CBR4: variants seen among roughly 807,000 people sequenced by gnomAD.
CBR4 encodes carbonyl reductase 4.
In CBR4, 22 loss-of-function variants were observed where a neutral mutation model predicts 21.0. The observed-to-expected ratio is 1.05, with a 90% CI of 0.75 to 1.50. The LOEUF (loss-of-function observed/expected upper bound fraction) is 1.50, where lower values mean the gene tolerates loss of function less well. CBR4 is among the 40% of genes most tolerant of loss of function. The pLI is 0.00. For synonymous variants in CBR4, 100 were observed against 104.4 expected (o/e 0.96, Z 0.26); for missense variants, 302 against 286.3 (o/e 1.05, Z -0.40).
intron 2 of CBR4, among the ~76,000 whole-genome samples, chr4:168,930,997 G>A (rs1251158927): frequency 2.0e-5 from 3 of 152,088 alleles, no homozygotes; most frequent in South Asian, 2.1e-4. Context: ...CCAGCCCAGC[G>A]GCTCTGTCAT....
intron 4 of CBR4, 60 bp from the exon 5 acceptor site, chr4:168,990,388 C>A (rs1764856297): frequency 1.2e-5 from 15 of 1,299,908 alleles, no homozygotes; most frequent in South Asian, 6.8e-5. Flanking sequence ...TGCTGAATTT[C>A]AAAAAAAATA....
chr4:168,923,927 TCAC>T (rs35508972), intron 2 of CBR4, among the ~76,000 whole-genome samples: 2,625 of 78,686 alleles, frequency 0.033, 59 homozygotes, highest in African/African-American at 0.055. Flanking sequence ...GGTAACATAA[TCAC>T]TAGTAGTGAA....
chr4:168,907,949 CAT>C (rs1306479597), intron 2 of CBR4, among the ~76,000 whole-genome samples: 2 of 152,156 alleles, frequency 1.3e-5, no homozygotes, highest in Non-Finnish European at 2.9e-5. Flanking sequence ...ACACTCCCAG[CAT>C]CTTAAGGGGT....
At chr4:168,997,741 T>C (rs1765274717) in intron 4 of CBR4, among the ~76,000 whole-genome samples, 1 of 152,210 alleles carries the variant, frequency 6.6e-6, no homozygotes, top group African/African-American at 2.4e-5. Flanking sequence ...AGAGCCTTTA[T>C]ATTTAAAAAG....
intron 2 of CBR4, among the ~76,000 whole-genome samples, chr4:168,904,911 C>T (rs1482234913): frequency 1.3e-5 from 2 of 151,926 alleles, no homozygotes; most frequent in African/African-American, 4.8e-5. Flanking sequence ...TGGATTGCCT[C>T]AGCCCCGGAG....
At chr4:168,946,876 T>A (rs1352115233) in intron 2 of CBR4, among the ~76,000 whole-genome samples, 1 of 152,150 alleles carries the variant, frequency 6.6e-6, no homozygotes, top group Non-Finnish European at 1.5e-5. Context: ...TCTGTCCACA[T>A]ACACCATCCC....
At chr4:168,939,299 A>G (rs2126674682) in intron 2 of CBR4, among the ~76,000 whole-genome samples, 1 of 152,342 alleles carries the variant, frequency 6.6e-6, no homozygotes, top group East Asian at 1.9e-4. Flanking sequence ...AATGTATCTC[A>G]AAATAATAAG....
intron 2 of CBR4, among the ~76,000 whole-genome samples, chr4:168,922,292 C>T (rs895225385): frequency 1.3e-5 from 2 of 152,080 alleles, no homozygotes; most frequent in Non-Finnish European, 2.9e-5. Flanking sequence ...AAAAGGAAAA[C>T]ACATTTATGG....
intron 2 of CBR4, among the ~76,000 whole-genome samples, chr4:168,937,426 G>C (rs890106205): frequency 2.6e-5 from 4 of 152,006 alleles, no homozygotes; most frequent in East Asian, 1.9e-4. Flanking sequence ...TAACCAGCTA[G>C]CATCATAATG....
intron 2 of CBR4, among the ~76,000 whole-genome samples, chr4:168,922,085 T>TTATA (rs149658107): frequency 4.5e-5 from 6 of 134,314 alleles, no homozygotes; most frequent in Admixed American, 8.0e-5. Context: ...AGTTTTATAT[T>TTATA]TATATATATA....
intron 4 of CBR4, among the ~76,000 whole-genome samples, chr4:169,000,236 G>C (rs1201428193): frequency 6.6e-6 from 1 of 152,078 alleles, no homozygotes; most frequent in Non-Finnish European, 1.5e-5. Flanking sequence ...AGAAAACAGT[G>C]CTAAGATAAC....
chr4:168,966,603 T>C (rs1287936057), intron 2 of CBR4, among the ~76,000 whole-genome samples: 1 of 151,926 alleles, frequency 6.6e-6, no homozygotes, highest in Non-Finnish European at 1.5e-5. Flanking sequence ...TTTTACACTG[T>C]TGGTGGGTGT....
intron 2 of CBR4, among the ~76,000 whole-genome samples, chr4:168,947,936 C>A (rs1763438034): frequency 6.6e-6 from 1 of 152,134 alleles, no homozygotes; most frequent in African/African-American, 2.4e-5. Flanking sequence ...ACTTTTAGTT[C>A]TTTAAGGAAT....
chr4:169,009,201 C>A (rs1731179396), intron 1 of CBR4: 1 of 382,584 alleles, frequency 2.6e-6, no homozygotes, highest in East Asian at 7.1e-5. Flanking sequence ...ATAGCATCTT[C>A]GGATCTAACG....
chr4:168,935,111 G>A (rs1462305326), intron 2 of CBR4, among the ~76,000 whole-genome samples: 1 of 152,194 alleles, frequency 6.6e-6, no homozygotes, highest in African/African-American at 2.4e-5. Context: ...GATAGTGGGT[G>A]CAGCCCATGG....
intron 2 of CBR4, among the ~76,000 whole-genome samples, chr4:168,972,309 C>G (rs1764236276): frequency 6.6e-6 from 1 of 152,064 alleles, no homozygotes; most frequent in African/African-American, 2.4e-5. Flanking sequence ...TTTTCTAGTT[C>G]TGTAAAGAAT....
chr4:168,968,033 A>T (rs767905158), intron 2 of CBR4, among the ~76,000 whole-genome samples: 2 of 152,086 alleles, frequency 1.3e-5, no homozygotes, highest in Non-Finnish European at 2.9e-5. Flanking sequence ...CATAATGACA[A>T]ATTCAAACCT....
intron 2 of CBR4, among the ~76,000 whole-genome samples, chr4:168,977,487 C>T (rs1218775553): frequency 2.0e-5 from 3 of 152,150 alleles, no homozygotes; most frequent in Non-Finnish European, 4.4e-5. Context: ...TAGAACAGTG[C>T]CTGACAATAG....
At chr4:168,968,646 T>G in intron 2 of CBR4, among the ~76,000 whole-genome samples, 1 of 152,182 alleles carries the variant, frequency 6.6e-6, no homozygotes, top group Admixed American at 6.5e-5. Context: ...TGTACTGTAA[T>G]AGTTTACCAT....
Sources: gnomAD v4.1 joint callset for allele counts (sites outside exome capture counted in the v4.1 genomes callset) on GRCh38, gnomAD v4.1.1 for gene constraint, MANE v1.5 for transcripts, NCBI Gene and HGNC (gene_info 2026-07-23, HGNC 2026-07-21) for gene names.